TARBP1: variants seen among roughly 807,000 people sequenced by gnomAD.
TARBP1 encodes tRNA guanosine 2 -O-methyltransferase TARBP1, also known as tRNA (guanosine(18)-2'-O)-methyltransferase TARBP1.
Under a neutral mutation model 178.6 loss-of-function variants are expected in TARBP1, and 144 were observed. The observed-to-expected ratio is 0.81, with a 90% CI of 0.70 to 0.93. The LOEUF is 0.93. TARBP1 is among the 40% of genes least tolerant of loss of function. TARBP1 has a pLI of 0.00. For synonymous variants in TARBP1, 787 were observed against 781.0 expected (o/e 1.01, Z -0.13); for missense variants, 2,067 against 2,011.7 (o/e 1.03, Z -0.53).
At chr1:234,440,495 A>G (rs1246300200) in intron 12 of TARBP1, among the ~76,000 whole-genome samples, 1 of 152,172 alleles carries the variant, frequency 6.6e-6, no homozygotes, top group Admixed American at 6.5e-5. Context: ...GCACGCACAC[A>G]CACACACACA....
rs1170960518 is a variant in TARBP1, at chr1:234,393,789, T to C, written c.4292A>G (p.Gln1431Arg). The C allele has an allele frequency of 6.2e-7, 1 of 1,613,820 alleles. No individual in the cohort carries two copies. The highest frequency in any genetic ancestry group is 1.3e-5 in the African/African-American group (1 of 74,886). ...ADNQAEWTDV[Q>R]KKIIPWNSRV... is the part of the protein sequence containing the mutation. ...ACTGTTCCACGGGATAATCTTCTTC[T>C]GAACGTCGGTCCACTCCGCTTGGTT... The change falls in exon 27 of 30, where the codon CAG becomes CGG. Residue 1431 changes from glutamine to arginine, a missense_variant. Transcript: ENST00000040877.
At chr1:234,469,217 G>A (rs1668807594) in intron 3 of TARBP1, among the ~76,000 whole-genome samples, 1 of 151,460 alleles carries the variant, frequency 6.6e-6, no homozygotes, top group Admixed American at 6.6e-5. Flanking sequence ...ATATCTTAGA[G>A]ATATTTTTCT....
Position 234,479,097 on chromosome 1 carries a change from A to G in TARBP1, c.7T>C (p.Trp3Arg), listed in dbSNP as rs1669885330. The stretch of plus-strand genomic sequence containing the variant: ...GAGAGCAGCGCTTCCGCGAGCACCC[A>G]CTCCATTTGCCGAGCGCCCGCGCCA... ME[W>R]VLAEALLSQS... is the part of the protein sequence containing the mutation. Residue 3 changes from tryptophan to arginine, a missense_variant, in exon 1 of 30, where the codon TGG (tryptophan) becomes CGG (arginine). Transcript: ENST00000040877. 1.3e-6 allele frequency: 2 copies of G among 1,533,256 alleles called. No individual in the cohort carries two copies. Among genetic ancestry groups the G allele is most frequent in the South Asian group, 1.2e-5 (1 of 84,530 alleles). The allele number at this position is 1,533,256 out of a possible 1,614,324, so 95.0% of individuals were successfully genotyped here.
intron 9 of TARBP1, among the ~76,000 whole-genome samples, chr1:234,451,126 TA>T (rs887353905): frequency 6.6e-6 from 1 of 152,210 alleles, no homozygotes; most frequent in African/African-American, 2.4e-5. Context: ...CATATTAATT[TA>T]AAAGAGAAAC....
intron 12 of TARBP1, among the ~76,000 whole-genome samples, chr1:234,446,448 G>A (rs1666181253): frequency 6.6e-6 from 1 of 151,988 alleles, no homozygotes; most frequent in African/African-American, 2.4e-5. Context: ...ATACAAGACA[G>A]TGATCATTTT....
At chr1:234,422,796 C>T (rs1002632150) in intron 20 of TARBP1, among the ~76,000 whole-genome samples, 1 of 152,106 alleles carries the variant, frequency 6.6e-6, no homozygotes, top group Non-Finnish European at 1.5e-5. Context: ...TCTCATTTAC[C>T]TGATGTAATT....
At chr1:234,449,047 C>T (rs1383648826) in intron 10 of TARBP1, among the ~76,000 whole-genome samples, 4 of 152,032 alleles carry the variant, frequency 2.6e-5, no homozygotes, top group Non-Finnish European at 5.9e-5. Flanking sequence ...TGAAGGGACA[C>T]GAGAACTTTC....
At chr1:234,394,086 G>A (rs1659678453) in intron 26 of TARBP1, among the ~76,000 whole-genome samples, 1 of 152,106 alleles carries the variant, frequency 6.6e-6, no homozygotes, top group South Asian at 2.1e-4. Flanking sequence ...ATGGAAACAT[G>A]AGATACACGT....
intron 2 of TARBP1, among the ~76,000 whole-genome samples, chr1:234,471,608 CA>C (rs1471226934): frequency 2.0e-5 from 3 of 152,204 alleles, no homozygotes; most frequent in Non-Finnish European, 4.4e-5. Context: ...TCTAGTCACT[CA>C]AGTTGTTCAT....
chr1:234,398,679 T>C (rs1307741318), intron 25 of TARBP1, 126 bp from the exon 26 acceptor site: 2 of 681,708 alleles, frequency 2.9e-6, no homozygotes, highest in Non-Finnish European at 4.4e-6. Context: ...TCAAACTATA[T>C]ACTTTCATTT....
At chr1:234,404,723 C>G (rs1271017045) in intron 24 of TARBP1, among the ~76,000 whole-genome samples, 2 of 152,242 alleles carry the variant, frequency 1.3e-5, no homozygotes, top group African/African-American at 4.8e-5. Context: ...CCATTCCCGC[C>G]TCTGCTCTCT....
intron 20 of TARBP1, among the ~76,000 whole-genome samples, chr1:234,422,104 G>A (rs1373145425): frequency 3.9e-5 from 6 of 152,126 alleles, no homozygotes; most frequent in Non-Finnish European, 4.4e-5. Context: ...AATGGAATCA[G>A]TAGGGTGGAT....
At chr1:234,394,851 G>A (rs1659757117) in intron 26 of TARBP1, among the ~76,000 whole-genome samples, 1 of 152,168 alleles carries the variant, frequency 6.6e-6, no homozygotes, top group African/African-American at 2.4e-5. Context: ...CCAGAACTTT[G>A]GGAGGCTGAG....
intron 21 of TARBP1, among the ~76,000 whole-genome samples, chr1:234,420,353 A>G (rs1266181204): frequency 5.9e-5 from 9 of 152,198 alleles, no homozygotes; most frequent in Admixed American, 5.9e-4. Context: ...ACAGTGTAAC[A>G]CTCCAAAATA....
At chr1:234,396,770 A>T (rs1659974392) in intron 26 of TARBP1, among the ~76,000 whole-genome samples, 1 of 152,120 alleles carries the variant, frequency 6.6e-6, no homozygotes, top group African/African-American at 2.4e-5. Context: ...GCCTTTAAAA[A>T]AAAAGAAAAA....
chr1:234,462,612 C>T (rs1667974849), intron 6 of TARBP1, among the ~76,000 whole-genome samples: 2 of 146,738 alleles, frequency 1.4e-5, no homozygotes, highest in Non-Finnish European at 3.0e-5. Context: ...TCACTTGAAC[C>T]CGGGAGGCGG....
intron 9 of TARBP1, among the ~76,000 whole-genome samples, chr1:234,456,869 C>T (rs765663815): frequency 2.6e-5 from 4 of 152,126 alleles, no homozygotes; most frequent in Admixed American, 6.5e-5. Flanking sequence ...AAATTAGATG[C>T]ATTGTGATCA....
chr1:234,410,462 G>T lies in TARBP1; in HGVS notation c.3775C>A (p.Gln1259Lys). ...AAACTTACCTTTTCTGGAATATTTT[G>T]AGTAATAATGTCTAAATGTGATAAA... ...AVLSHLDIIT[Q>K]NIPEKKLILK... is the part of the protein sequence containing the mutation. The change falls in exon 23 of 30, where the codon CAA becomes AAA. Residue 1259 changes from glutamine (Q) to lysine (K), a missense_variant. Transcript: ENST00000040877. 6.7e-7 allele frequency: 1 copy of T among 1,487,686 alleles called. No individual in the cohort carries two copies. The highest frequency in any genetic ancestry group is 1.2e-5 in the South Asian group (1 of 83,220). 92.2% of individuals were successfully genotyped at this position (1,487,686 alleles called of 1,614,324 possible).
chr1:234,463,763 T>C (rs1193778111), intron 6 of TARBP1, 74 bp downstream of exon 6: 5 of 772,440 alleles, frequency 6.5e-6, no homozygotes, highest in East Asian at 6.0e-5. Flanking sequence ...TGATGGTGCT[T>C]ATAACCAATT....
Sources: allele counts gnomAD v4.1 joint callset (sites outside exome capture counted in the v4.1 genomes callset), GRCh38; gene constraint gnomAD v4.1.1; transcripts MANE v1.5; gene names NCBI Gene and HGNC (gene_info 2026-07-23, HGNC 2026-07-21).